Variants in LYPLAL1 observed in about 807,000 individuals in gnomAD.
LYPLAL1 encodes lysophospholipase like 1.
LYPLAL1 carries 23 observed loss-of-function variants against 19.7 expected under a neutral mutation model. The ratio of observed to expected loss-of-function variants is 1.17; its 90% confidence interval spans 0.84 to 1.65. The LOEUF is 1.65. Among genes scored for constraint, LYPLAL1 ranks in the 40% most tolerant of loss-of-function variants. LYPLAL1 has a pLI of 0.00. For synonymous variants in LYPLAL1, 119 were observed against 96.3 expected (o/e 1.24, Z -1.38); for missense variants, 355 against 279.4 (o/e 1.27, Z -1.93).
the LYPLAL1 span, among the ~76,000 whole-genome samples, chr1:219,372,331 A>C: frequency 6.6e-6 from 1 of 152,194 alleles, no homozygotes; most frequent in African/African-American, 2.4e-5. Flanking sequence ...TGATTTGAGG[A>C]TTTTAGAACC....
At chr1:219,428,420 T>C in the LYPLAL1 span, among the ~76,000 whole-genome samples, 2 of 152,246 alleles carry the variant, frequency 1.3e-5, no homozygotes, top group South Asian at 4.1e-4. Context: ...CAGTCTTTAT[T>C]CTCAGCAACA....
chr1:219,214,833 G>A (rs1441100259), downstream of LYPLAL1, among the ~76,000 whole-genome samples: 2 of 151,530 alleles, frequency 1.3e-5, no homozygotes, highest in Non-Finnish European at 2.9e-5. Flanking sequence ...GGGATTACAT[G>A]CACCTGCCAC....
chr1:219,352,250 G>A, the LYPLAL1 span, among the ~76,000 whole-genome samples: 1 of 152,202 alleles, frequency 6.6e-6, no homozygotes, highest in Non-Finnish European at 1.5e-5. Flanking sequence ...TCCACAGGGG[G>A]CCAGGCGCGG....
At chr1:219,176,635 G>T (rs982008349) in intron 1 of LYPLAL1, among the ~76,000 whole-genome samples, 1 of 152,158 alleles carries the variant, frequency 6.6e-6, no homozygotes, top group African/African-American at 2.4e-5. Flanking sequence ...TAATGATGGG[G>T]TTTCTCTAAA....
the LYPLAL1 span, among the ~76,000 whole-genome samples, chr1:219,228,148 A>T: frequency 6.6e-6 from 1 of 152,202 alleles, no homozygotes; most frequent in Admixed American, 6.5e-5. Flanking sequence ...GTTTCTTGAG[A>T]GTGAGAAAAC....
chr1:219,196,025 C>T (rs1361348858), intron 3 of LYPLAL1, among the ~76,000 whole-genome samples: 1 of 152,146 alleles, frequency 6.6e-6, no homozygotes, highest in African/African-American at 2.4e-5. Flanking sequence ...CTTTTTATGG[C>T]TGCATAGTAT....
the LYPLAL1 span, among the ~76,000 whole-genome samples, chr1:219,264,647 T>C: frequency 6.6e-6 from 1 of 152,174 alleles, no homozygotes; most frequent in Non-Finnish European, 1.5e-5. Flanking sequence ...GATTCTGGAC[T>C]AACCCGGGCT....
the LYPLAL1 span, among the ~76,000 whole-genome samples, chr1:219,283,068 T>A: frequency 6.6e-6 from 1 of 152,108 alleles, no homozygotes; most frequent in Non-Finnish European, 1.5e-5. Flanking sequence ...GCAGACATGA[T>A]GAAATGTTTG....
chr1:219,318,874 G>A, the LYPLAL1 span, among the ~76,000 whole-genome samples: 3 of 152,266 alleles, frequency 2.0e-5, no homozygotes, highest in African/African-American at 4.8e-5. Flanking sequence ...GGAGGCTGAC[G>A]GGGCTTGTCC....
chr1:219,267,136 C>A, the LYPLAL1 span, among the ~76,000 whole-genome samples: 3 of 152,076 alleles, frequency 2.0e-5, no homozygotes, highest in Non-Finnish European at 4.4e-5. Flanking sequence ...TTTCTTAAGC[C>A]ACTGAATCAA....
the LYPLAL1 span, among the ~76,000 whole-genome samples, chr1:219,251,441 A>G: frequency 6.6e-6 from 1 of 151,916 alleles, no homozygotes; most frequent in Non-Finnish European, 1.5e-5. Flanking sequence ...ATCCATCTTG[A>G]GTTGATTTTG....
At chr1:219,313,813 G>A in the LYPLAL1 span, among the ~76,000 whole-genome samples, 52,195 of 152,068 alleles carry the variant, frequency 0.34, 9,842 homozygotes, top group East Asian at 0.81. Flanking sequence ...GGGATTACAG[G>A]CATGAGCCAC....
At chr1:219,378,668 T>C in the LYPLAL1 span, among the ~76,000 whole-genome samples, 3 of 152,224 alleles carry the variant, frequency 2.0e-5, no homozygotes, top group African/African-American at 4.8e-5. Flanking sequence ...GGCTAAATGA[T>C]GAAGCCCACT....
At chr1:219,429,880 T>A in the LYPLAL1 span, among the ~76,000 whole-genome samples, 1 of 152,170 alleles carries the variant, frequency 6.6e-6, no homozygotes, top group Admixed American at 6.5e-5. Context: ...AAGCTTACAG[T>A]TATCTTGCAC....
the LYPLAL1 span, among the ~76,000 whole-genome samples, chr1:219,391,333 A>G: frequency 1.3e-5 from 2 of 152,200 alleles, no homozygotes; most frequent in African/African-American, 4.8e-5. Context: ...TCAAGCCTGC[A>G]TATGCAGACA....
chr1:219,262,550 C>T, the LYPLAL1 span, among the ~76,000 whole-genome samples: 2 of 152,218 alleles, frequency 1.3e-5, no homozygotes, highest in African/African-American at 2.4e-5. Flanking sequence ...TGCTCTCCCA[C>T]TTTCCCTAGG....
At chr1:219,244,922 A>AC in the LYPLAL1 span, among the ~76,000 whole-genome samples, 32 of 150,474 alleles carry the variant, frequency 2.1e-4, no homozygotes, top group East Asian at 9.9e-4. Flanking sequence ...AAAAAAAAAA[A>AC]AAAAACAAAA....
chr1:219,233,240 C>T, the LYPLAL1 span, among the ~76,000 whole-genome samples: 1 of 152,068 alleles, frequency 6.6e-6, no homozygotes, highest in Non-Finnish European at 1.5e-5. Context: ...AGACATTATG[C>T]TAAGTGAAAC....
At chr1:219,338,689 C>T in the LYPLAL1 span, among the ~76,000 whole-genome samples, 1 of 151,782 alleles carries the variant, frequency 6.6e-6, no homozygotes, top group Non-Finnish European at 1.5e-5. Flanking sequence ...GTAGACCTAA[C>T]ATTGCTTCAT....
Sources: gnomAD v4.1 joint callset for allele counts (sites outside exome capture counted in the v4.1 genomes callset) on GRCh38, gnomAD v4.1.1 for gene constraint, MANE v1.5 for transcripts, NCBI Gene and HGNC (gene_info 2026-07-23, HGNC 2026-07-21) for gene names.